DLGAP4: variants seen among roughly 807,000 people sequenced by gnomAD.
DLGAP4 encodes the protein DLG associated protein 4, also known as disks large-associated protein 4.
Under a neutral mutation model 86.9 loss-of-function variants are expected in DLGAP4, and 18 were observed. The ratio of observed to expected loss-of-function variants is 0.21; its 90% CI spans 0.14 to 0.31. DLGAP4 has a LOEUF of 0.31. Among genes scored for constraint, DLGAP4 ranks in the 10% least tolerant of loss-of-function variants. DLGAP4 has a pLI of 1.00. For synonymous variants in DLGAP4, 548 were observed against 574.3 expected (o/e 0.95, Z 0.65); for missense variants, 1,085 against 1,362.6 (o/e 0.80, Z 3.21).
At chr20:36,313,114 G>C (rs1399304795) in intron 1 of DLGAP4, among the ~76,000 whole-genome samples, 1 of 152,018 alleles carries the variant, frequency 6.6e-6, no homozygotes, top group African/African-American at 2.4e-5. Context: ...CTGCCGCCTG[G>C]CTTCTCCACT....
At chr20:36,496,297 C>A (rs1049704120) in intron 7 of DLGAP4, among the ~76,000 whole-genome samples, 1 of 152,156 alleles carries the variant, frequency 6.6e-6, no homozygotes, top group African/African-American at 2.4e-5. Flanking sequence ...TTGAAGATAG[C>A]AAGGTTAACC....
rs572571770 is a variant in DLGAP4 at position 36,458,524 on chromosome 20, G to C, written c.1648+11587G>C. Among the ~76,000 whole-genome samples the C allele has an allele frequency of 2.1e-4, 32 of 151,050 alleles. No individual in the cohort carries two copies. In the East Asian group the frequency reaches 3.4e-3, roughly 16 times the overall value. On this transcript the variant is annotated intron_variant, in intron 7 of 12. Coordinates refer to ENST00000339266, the MANE Select transcript of DLGAP4 (RefSeq NM_001365621.2). The stretch of plus-strand genomic sequence containing the variant: ...TTACAGGCATGAACCACCGTGCCTG[G>C]CAAAACCCCTCTCTACTAAAAATAC...
At chr20:36,420,034 A>G (rs959661483) in intron 2 of DLGAP4, among the ~76,000 whole-genome samples, 1 of 152,134 alleles carries the variant, frequency 6.6e-6, no homozygotes. Flanking sequence ...AGCACCTGGT[A>G]TACAATAAGC....
chr20:36,368,263 G>A (rs939318249), intron 2 of DLGAP4, among the ~76,000 whole-genome samples: 5 of 152,142 alleles, frequency 3.3e-5, no homozygotes, highest in Non-Finnish European at 5.9e-5. Context: ...GATGGCTTGC[G>A]GTGAGCCCAT....
At chr20:36,374,396 T>A (rs2031069214) in intron 2 of DLGAP4, among the ~76,000 whole-genome samples, 1 of 152,084 alleles carries the variant, frequency 6.6e-6, no homozygotes. Context: ...GCTGGAAGAA[T>A]GTTGTAGGCA....
intron 2 of DLGAP4, among the ~76,000 whole-genome samples, chr20:36,423,245 T>C (rs2032877336): frequency 6.6e-6 from 1 of 151,912 alleles, no homozygotes; most frequent in Non-Finnish European, 1.5e-5. Flanking sequence ...GCGGATCACT[T>C]GAGCTCAGGA....
rs752411826 is a variant in DLGAP4 at position 36,494,984 on chromosome 20, GTT to G, written c.1649-1697_1649-1696del. ...AAAAGTGGTTTTTTTTTTTTGTTCG[GTT>G]TTTTTTTTTTTTTTTTTTTTTTTGA... On this transcript the variant is annotated intron_variant, in intron 7 of 12. Coordinates refer to ENST00000339266, the MANE Select transcript of DLGAP4 (RefSeq NM_001365621.2). Among the ~76,000 whole-genome samples, 508 of 75,374 alleles carry G rather than the reference GTT, an allele frequency of 6.7e-3. 1 individual carries two copies. The highest frequency in any genetic ancestry group is 0.026 in the African/African-American group (479 of 18,652). The allele number at this position is 75,374 out of a possible 152,430, so 49.4% of individuals were successfully genotyped here. A position where few individuals can be genotyped will look rare whatever the true frequency, so the allele number is the denominator to read the frequency against.
intron 7 of DLGAP4, among the ~76,000 whole-genome samples, chr20:36,463,807 G>A (rs189561587): frequency 6.6e-6 from 1 of 152,338 alleles, no homozygotes; most frequent in East Asian, 1.9e-4. Flanking sequence ...GTTCTGCAGA[G>A]AGCTGGGGTT....
chr20:36,482,664 TTTTTTG>T (rs544322098), intron 7 of DLGAP4, among the ~76,000 whole-genome samples: 1 of 152,112 alleles, frequency 6.6e-6, no homozygotes, highest in Middle Eastern at 3.4e-3. Flanking sequence ...CGTGGGTTGT[TTTTTTG>T]TTTTTGTTTT....
At chr20:36,524,162 G>T in intron 10 of DLGAP4, 88 bp from the exon 11 acceptor site, 1 of 977,604 alleles carries the variant, frequency 1.0e-6, no homozygotes, top group South Asian at 1.3e-5. Flanking sequence ...TACCCTAAGG[G>T]AGTGTGGGAG....
chr20:36,415,837 C>T lies in DLGAP4; in HGVS notation c.-72-15809C>T, dbSNP rs371646720. ...GAAGCCTGGAATCTCAAGTGGTGGT[C>T]CCCAGGTGAGGCCTGGAGATGGAGG... On this transcript the variant is annotated intron_variant, in intron 2 of 12. Transcript: ENST00000339266. Among the ~76,000 whole-genome samples, 25 of 152,210 alleles carry T rather than the reference C, an allele frequency of 1.6e-4. No homozygotes were observed. The East Asian group carries it at 4.8e-3, about 29-fold the overall frequency.
chr20:36,335,537 CTG>C (rs1375887760), intron 1 of DLGAP4, among the ~76,000 whole-genome samples: 2 of 152,142 alleles, frequency 1.3e-5, no homozygotes, highest in East Asian at 3.9e-4. Flanking sequence ...ACTGTCGAGA[CTG>C]TGGGGATCAA....
chr20:36,521,175 G>A (rs1264248914), intron 10 of DLGAP4, among the ~76,000 whole-genome samples: 2 of 152,000 alleles, frequency 1.3e-5, no homozygotes, highest in South Asian at 2.1e-4. Context: ...GGTTGCTCTC[G>A]AACTCCTGGC....
chr20:36,318,151 C>T (rs1422623360), intron 1 of DLGAP4, among the ~76,000 whole-genome samples: 2 of 134,738 alleles, frequency 1.5e-5, no homozygotes, highest in Admixed American at 7.7e-5. Context: ...CACACACACA[C>T]ACACACAGTC....
At position 36,528,161 on chromosome 20, in the gene DLGAP4, C is replaced by T. The variant is rs1208378865; in HGVS notation, c.*1130C>T. On this transcript the variant is annotated 3_prime_UTR_variant, in exon 13 of 13. Coordinates refer to ENST00000339266, the MANE Select transcript of DLGAP4 (RefSeq NM_001365621.2). ...CTTTTTTTTTTTGGTCTCCACCCCCCTCCCCCCGCCCCGCACTCCTAAGGG... is the reference window on the plus strand; with the variant it reads ...CTTTTTTTTTTTGGTCTCCACCCCCTTCCCCCCGCCCCGCACTCCTAAGGG... 1 of 151,414 alleles carries T rather than the reference C, an allele frequency of 6.6e-6. No homozygotes were observed. Among genetic ancestry groups the T allele is most frequent in the African/African-American group, 2.4e-5 (1 of 40,828 alleles). The allele number at this position is 151,414 out of a possible 1,614,324, so 9.4% of individuals were successfully genotyped here.
intron 7 of DLGAP4, chr20:36,461,436 G>A: frequency 2.3e-6 from 2 of 884,448 alleles, no homozygotes; most frequent in South Asian, 5.4e-5. Flanking sequence ...GGGCAGGTGC[G>A]GGACTTTAAC....
At chr20:36,397,874 C>A (rs1479177408) in intron 2 of DLGAP4, among the ~76,000 whole-genome samples, 2 of 152,208 alleles carry the variant, frequency 1.3e-5, no homozygotes, top group African/African-American at 4.8e-5. Flanking sequence ...GTAATCCCAG[C>A]ACTTTGGGAG....
At chr20:36,428,874 G>A (rs1439523140) in intron 2 of DLGAP4, among the ~76,000 whole-genome samples, 1 of 152,208 alleles carries the variant, frequency 6.6e-6, no homozygotes, top group Non-Finnish European at 1.5e-5. Context: ...TGCCCAGGCT[G>A]GTCTCAAACT....
chr20:36,377,856 A>C (rs2031219217), intron 2 of DLGAP4, among the ~76,000 whole-genome samples: 1 of 152,224 alleles, frequency 6.6e-6, no homozygotes, highest in Non-Finnish European at 1.5e-5. Flanking sequence ...CAGACGCTGG[A>C]ATCAGCTCTT....
Sources: allele counts gnomAD v4.1 joint callset (sites outside exome capture counted in the v4.1 genomes callset), GRCh38; gene constraint gnomAD v4.1.1; transcripts MANE v1.5; gene names NCBI Gene and HGNC (gene_info 2026-07-23, HGNC 2026-07-21).